Variants in ATP10A observed in about 807,000 individuals in gnomAD.
The protein encoded by ATP10A is ATPase phospholipid transporting 10A (putative).
ATP10A carries 111 observed loss-of-function variants against 147.8 expected under a neutral mutation model. That is an observed-to-expected ratio of 0.75 (90% CI 0.64 to 0.88). The LOEUF is 0.88. Ranked by LOEUF, ATP10A falls within the 40% of genes least tolerant of loss-of-function variation. ATP10A has a pLI of 0.00. For missense variants in ATP10A, 1,927 were observed against 1,959.0 expected, an observed-to-expected ratio of 0.98 and a Z score of 0.31; for synonymous variants, 875 against 841.6, an observed-to-expected ratio of 1.04 and a Z score of -0.69.
At chr15:25,852,567 TC>T (rs145434975) in intron 1 of ATP10A, among the ~76,000 whole-genome samples, 69,887 of 151,948 alleles carry the variant, frequency 0.46, 19,794 homozygotes, top group Non-Finnish European at 0.6. Context: ...CCTCCGAAGT[TC>T]CCTTCTCTCC....
chr15:25,779,203 A>G (rs8041739), intron 2 of ATP10A, among the ~76,000 whole-genome samples: 21,328 of 152,158 alleles, frequency 0.14, 1,588 homozygotes, highest in Admixed American at 0.16. Flanking sequence ...AGAGTTGATC[A>G]AGGAGATCTA....
intron 2 of ATP10A, among the ~76,000 whole-genome samples, chr15:25,756,127 C>T (rs1888395028): frequency 1.3e-5 from 2 of 152,106 alleles, no homozygotes; most frequent in Non-Finnish European, 2.9e-5. Context: ...GGGAGCCATC[C>T]CTTTGAGACT....
At chr15:25,833,202 C>T (rs754822034) in intron 1 of ATP10A, among the ~76,000 whole-genome samples, 3 of 152,116 alleles carry the variant, frequency 2.0e-5, no homozygotes, top group Non-Finnish European at 2.9e-5. Flanking sequence ...GGGCTGGTTT[C>T]GAACTGCTGG....
chr15:25,862,629 G>A lies in ATP10A; in HGVS notation c.449+19C>T. On this transcript the variant is annotated intron_variant, in intron 1 of 20. Transcript: ENST00000555815. ...GCCCTGCGCCACCGCGCGCTCGCTCGCCCGCCCGCCCAACTCACCTGCTGA... is the reference window on the plus strand; with the variant it reads ...GCCCTGCGCCACCGCGCGCTCGCTCACCCGCCCGCCCAACTCACCTGCTGA... 1 of 1,535,620 alleles carries A rather than the reference G, an allele frequency of 6.5e-7. No individual in the cohort carries two copies. The highest frequency in any genetic ancestry group is 1.3e-5 in the South Asian group (1 of 79,970).
At chr15:25,779,730 G>A (rs1233877539) in intron 2 of ATP10A, among the ~76,000 whole-genome samples, 2 of 152,170 alleles carry the variant, frequency 1.3e-5, no homozygotes, top group Admixed American at 1.3e-4. Context: ...CTAAATGAGA[G>A]CACTCCATTA....
chr15:25,706,081 A>G (rs1900991662), intron 12 of ATP10A, among the ~76,000 whole-genome samples: 1 of 152,196 alleles, frequency 6.6e-6, no homozygotes, highest in South Asian at 2.1e-4. Context: ...GACAACTCTG[A>G]TTTTAGATCT....
intron 1 of ATP10A, among the ~76,000 whole-genome samples, chr15:25,805,351 G>C (rs1210575797): frequency 6.6e-6 from 1 of 152,202 alleles, no homozygotes; most frequent in African/African-American, 2.4e-5. Context: ...CAGGAAAAGA[G>C]ATGCTGCCTT....
At chr15:25,826,609 A>G (rs969242444) in intron 1 of ATP10A, among the ~76,000 whole-genome samples, 1 of 152,186 alleles carries the variant, frequency 6.6e-6, no homozygotes, top group African/African-American at 2.4e-5. Context: ...AGCCTGGCCA[A>G]CATGGTAAAA....
chr15:25,729,549 C>T (rs955210567), intron 3 of ATP10A, among the ~76,000 whole-genome samples: 3 of 152,160 alleles, frequency 2.0e-5, no homozygotes, highest in Non-Finnish European at 2.9e-5. Flanking sequence ...TTCGAGTGTG[C>T]GCCTGTGAGT....
At chr15:25,710,031 G>T (rs1188818002) in intron 10 of ATP10A, 1 of 152,132 alleles carries the variant, frequency 6.6e-6, no homozygotes, top group Non-Finnish European at 1.5e-5. Flanking sequence ...GAGGCATTCA[G>T]TCAGCCCTGC....
At chr15:25,805,307 C>T (rs930998239) in intron 1 of ATP10A, among the ~76,000 whole-genome samples, 1 of 152,242 alleles carries the variant, frequency 6.6e-6, no homozygotes, top group Non-Finnish European at 1.5e-5. Context: ...CCACACAATT[C>T]CAAGTTCCTT....
chr15:25,833,976 A>T (rs973427635), intron 1 of ATP10A, among the ~76,000 whole-genome samples: 1 of 151,758 alleles, frequency 6.6e-6, no homozygotes, highest in African/African-American at 2.4e-5. Flanking sequence ...TGTCTCAAAA[A>T]AAACGAACAA....
At chr15:25,856,533 T>C (rs1567435939) in intron 1 of ATP10A, among the ~76,000 whole-genome samples, 1 of 152,222 alleles carries the variant, frequency 6.6e-6, no homozygotes, top group Non-Finnish European at 1.5e-5. Context: ...TCTCTTTTAC[T>C]ATACAGGCTG....
intron 2 of ATP10A, among the ~76,000 whole-genome samples, chr15:25,762,023 T>C (rs911848547): frequency 1.3e-5 from 2 of 152,154 alleles, no homozygotes; most frequent in Non-Finnish European, 2.9e-5. Flanking sequence ...CCACATGTTG[T>C]GGGAGGGATC....
intron 1 of ATP10A, among the ~76,000 whole-genome samples, chr15:25,785,275 C>T (rs1890104227): frequency 6.6e-6 from 1 of 152,028 alleles, no homozygotes. Flanking sequence ...TAAGGCTAGG[C>T]CCAAATGCAA....
chr15:25,689,454 T>C (rs7174559), intron 15 of ATP10A, among the ~76,000 whole-genome samples: 26,090 of 151,850 alleles, frequency 0.17, 2,468 homozygotes, highest in South Asian at 0.28. Flanking sequence ...AGCTGGGGAG[T>C]GCCTGCTCCT....
chr15:25,849,233 C>T (rs1024089616), intron 1 of ATP10A, among the ~76,000 whole-genome samples: 6 of 152,098 alleles, frequency 3.9e-5, no homozygotes, highest in African/African-American at 1.4e-4. Context: ...CAGAGGGGGC[C>T]GAGGGTGTGG....
At chr15:25,827,349 T>C (rs1227419331) in intron 1 of ATP10A, among the ~76,000 whole-genome samples, 1 of 152,230 alleles carries the variant, frequency 6.6e-6, no homozygotes, top group Non-Finnish European at 1.5e-5. Flanking sequence ...CCAGTAAAAG[T>C]ATCTACTAAG....
intron 2 of ATP10A, among the ~76,000 whole-genome samples, chr15:25,754,658 C>T (rs950093621): frequency 1.3e-5 from 2 of 152,064 alleles, no homozygotes; most frequent in Non-Finnish European, 1.5e-5. Flanking sequence ...ACCCAATATC[C>T]GACATAAAAA....
Sources: gnomAD v4.1 joint callset for allele counts (sites outside exome capture counted in the v4.1 genomes callset) on GRCh38, gnomAD v4.1.1 for gene constraint, MANE v1.5 for transcripts, NCBI Gene and HGNC (gene_info 2026-07-23, HGNC 2026-07-21) for gene names.